Variants in RUFY3 observed in about 807,000 individuals in gnomAD.
The protein encoded by RUFY3 is RUN and FYVE domain containing 3, also known as protein RUFY3.
Under a neutral mutation model 84.0 loss-of-function variants are expected in RUFY3, and 34 were observed. The ratio of observed to expected loss-of-function variants is 0.40; its 90% CI spans 0.31 to 0.54. The LOEUF (loss-of-function observed/expected upper bound fraction) is 0.54. Ranked by LOEUF, RUFY3 falls within the 20% of genes least tolerant of loss-of-function variation. RUFY3 has a pLI of 0.39. For missense variants in RUFY3, 507 were observed against 736.8 expected, an observed-to-expected ratio of 0.69 and a Z score of 3.61; for synonymous variants, 242 against 252.9, an observed-to-expected ratio of 0.96 and a Z score of 0.41.
intron 15 of RUFY3, among the ~76,000 whole-genome samples, chr4:70,802,414 A>G (rs1240051983): frequency 6.6e-6 from 1 of 152,228 alleles, no homozygotes; most frequent in Non-Finnish European, 1.5e-5. Context: ...ATGCTGGAAC[A>G]TCGGAGTTAG....
At chr4:70,737,752 C>G (rs1188592876) in intron 1 of RUFY3, among the ~76,000 whole-genome samples, 1 of 149,542 alleles carries the variant, frequency 6.7e-6, no homozygotes, top group Non-Finnish European at 1.5e-5. Context: ...TCTCAGCTCA[C>G]TGCAATCTCC....
chr4:70,789,023 CT>C, intron 11 of RUFY3, 50 bp downstream of exon 11: 1 of 1,587,508 alleles, frequency 6.3e-7, no homozygotes, highest in South Asian at 1.1e-5. Flanking sequence ...AATCCTGGGG[CT>C]TCCCTCCTCC....
intron 14 of RUFY3, chr4:70,799,471 A>G (rs1731961708): frequency 6.6e-6 from 1 of 152,218 alleles, no homozygotes; most frequent in African/African-American, 2.4e-5. Flanking sequence ...ATCCAAGTGG[A>G]TCACTTAAGG....
chr4:70,733,385 G>C (rs1365066434), intron 1 of RUFY3, among the ~76,000 whole-genome samples: 2 of 152,110 alleles, frequency 1.3e-5, no homozygotes, highest in African/African-American at 4.8e-5. Flanking sequence ...TGGGGCCTCT[G>C]CTAGTGGGAA....
At chr4:70,715,263 T>G (rs1741426449) in intron 1 of RUFY3, among the ~76,000 whole-genome samples, 1 of 152,190 alleles carries the variant, frequency 6.6e-6, no homozygotes, top group Non-Finnish European at 1.5e-5. Flanking sequence ...TCCACCAATG[T>G]CATCATGATG....
chr4:70,803,665 G>A (rs1007901480), intron 16 of RUFY3, among the ~76,000 whole-genome samples: 2 of 151,800 alleles, frequency 1.3e-5, no homozygotes, highest in Non-Finnish European at 2.9e-5. Context: ...TCCCGCCTTG[G>A]CCTCCCAAAG....
At chr4:70,705,101 G>A (rs1740112047) in exon 1 of RUFY3, 3 of 1,400,150 alleles carry the variant, frequency 2.1e-6, no homozygotes, top group Middle Eastern at 2.5e-4. Context: ...CCGGGCAGTC[G>A]GAGCCCGACT....
chr4:70,704,957 G>T lies in RUFY3; in HGVS notation c.21G>T (p.Pro7=), dbSNP rs976495845. ...TGAGCATGGCTGAGACCCCGCCGCC[G>T]CCCACCGCTGGTGCCGAAAGTTGCA... The change falls in exon 1 of 12, where the codon CCG becomes CCT. Residue 7 remains proline (P), a synonymous_variant. Transcript: ENST00000417478. The T allele has an allele frequency of 4.2e-5, 52 of 1,226,978 alleles. No homozygotes were observed. The African/African-American group carries it at 7.7e-4, about 18-fold the overall frequency. 76.0% of individuals were successfully genotyped at this position (1,226,978 alleles called of 1,614,324 possible).
Position 70,762,558 on chromosome 4 carries a change from T to C in RUFY3, c.218T>C (p.Met73Thr). 1 of 1,613,544 alleles carries C rather than the reference T, an allele frequency of 6.2e-7. No homozygotes were observed. The highest frequency in any genetic ancestry group is 8.5e-7 in the Non-Finnish European group (1 of 1,179,622). ...YLMANERMNL[M>T]NMAKLSIKGL... ...ATGGCTAATGAACGCATGAACCTCA[T>C]GAACATGGCCAAGCTGAGTATCAAG... Residue 73 changes from methionine to threonine, a missense_variant, in exon 2 of 18, where the codon ATG (methionine) becomes ACG (threonine). By Grantham distance (81) the Met-to-Thr change is moderately conservative. This residue lies in a region of RUFY3 where 133 missense variants were observed against 301.1 expected (regional missense o/e 0.44). Coordinates refer to ENST00000381006, the MANE Select transcript of RUFY3 (RefSeq NM_001037442.4).
At chr4:70,786,741 G>A (rs75886532) in intron 10 of RUFY3, among the ~76,000 whole-genome samples, 6,288 of 151,838 alleles carry the variant, frequency 0.041, 296 homozygotes, top group East Asian at 0.2. Flanking sequence ...TTTTATCCAG[G>A]TGCTAGTGTT....
At chr4:70,705,107 C>A in exon 1 of RUFY3, 1 of 1,421,992 alleles carries the variant, frequency 7.0e-7, no homozygotes, top group Non-Finnish European at 9.2e-7. Flanking sequence ...AGTCGGAGCC[C>A]GACTCGCCGG....
At chr4:70,744,137 G>A (rs1050652129) in intron 1 of RUFY3, among the ~76,000 whole-genome samples, 2 of 152,092 alleles carry the variant, frequency 1.3e-5, no homozygotes, top group African/African-American at 4.8e-5. Context: ...TGTTTTCAAT[G>A]CTGTTTCTCA....
rs527770812 is a variant in RUFY3, at chr4:70,793,825, G to A, written c.1378G>A (p.Asp460Asn). The change falls in exon 13 of 18, where the codon GAC (aspartate) becomes AAC (asparagine). Residue 460 changes from aspartate (D) to asparagine (N), a missense_variant. Physicochemically the swap from Asp to Asn is conservative, Grantham distance 23. This residue lies in a region of RUFY3 where 334 missense variants were observed against 364.1 expected (regional missense o/e 0.92). Transcript: ENST00000381006. ...GCGAAGCCGCCAATCTGCTGAGTTG[G>A]ACAACCGGCTCTTCAAACAGGACTT... ...AERSRQSAELDNRLFKQDFGD... is the reference protein window; with the variant it reads ...AERSRQSAELNNRLFKQDFGD... 132 of 1,614,138 alleles carry A rather than the reference G, an allele frequency of 8.2e-5. 1 individual carries two copies. In the South Asian group the frequency reaches 1.4e-3, roughly 17 times the overall value.
At chr4:70,779,036 A>G (rs1346863652) in intron 8 of RUFY3, among the ~76,000 whole-genome samples, 2 of 152,258 alleles carry the variant, frequency 1.3e-5, no homozygotes, top group Non-Finnish European at 2.9e-5. Context: ...TTAAATGTTT[A>G]GCATATAGCA....
At position 70,733,107 on chromosome 4, in the gene RUFY3, A is replaced by AG. The variant is rs1200494817; in HGVS notation, c.178+10357dup. 6.1e-3 allele frequency among the ~76,000 whole-genome samples: 517 copies of AG among 84,874 alleles called. 3 individuals carry two copies. Among genetic ancestry groups the AG allele is most frequent in the African/African-American group, 0.027 (487 of 18,352 alleles). 55.7% of individuals were successfully genotyped at this position (84,874 alleles called of 152,430 possible). A position where few individuals can be genotyped will look rare whatever the true frequency, so the allele number is the denominator to read the frequency against. ...AGAGAGAGAGAGAGGAGAGAGAGAG[A>AG]GAGAGAGAGAGAGGGAGGGAGGGAG... On this transcript the variant is annotated intron_variant, in intron 1 of 17. Transcript: ENST00000381006.
intron 12 of RUFY3, chr4:70,792,020 A>T: frequency 1.0e-6 from 1 of 985,292 alleles, no homozygotes; most frequent in Non-Finnish European, 1.2e-6. Context: ...CGCCTGGGGA[A>T]ACCCTCCTCA....
chr4:70,762,777 C>G (rs906978691), intron 2 of RUFY3, 85 bp downstream of exon 2: 11 of 1,158,694 alleles, frequency 9.5e-6, no homozygotes, highest in Admixed American at 7.2e-5. Context: ...TTTGTGGAGC[C>G]AAAGAATAAG....
intron 12 of RUFY3, chr4:70,793,204 A>G (rs1179907261): frequency 1.0e-6 from 1 of 986,078 alleles, no homozygotes; most frequent in Non-Finnish European, 1.2e-6. Flanking sequence ...GAAAGGAAGG[A>G]GACAGCCAAA....
intron 1 of RUFY3, among the ~76,000 whole-genome samples, chr4:70,745,019 A>G (rs1356581154): frequency 2.6e-5 from 4 of 151,238 alleles, no homozygotes; most frequent in African/African-American, 9.8e-5. Context: ...CTGTGGTGCA[A>G]TCTCGGCTCA....
Sources: gnomAD v4.1 joint callset for allele counts (sites outside exome capture counted in the v4.1 genomes callset) on GRCh38, gnomAD v4.1.1 for gene constraint, gnomAD v4.1.1 regional missense constraint, MANE v1.5 for transcripts, NCBI Gene and HGNC (gene_info 2026-07-23, HGNC 2026-07-21) for gene names.